The following TBC1D32 variants were observed in gnomAD, a reference collection of about 807,000 sequenced individuals.
TBC1D32 encodes TBC1 domain family member 32, also known as protein broad-minded.
TBC1D32 carries 151 observed loss-of-function variants against 170.3 expected under a neutral mutation model. The ratio of observed to expected loss-of-function variants is 0.89; its 90% CI spans 0.78 to 1.01. TBC1D32 has a LOEUF of 1.01. TBC1D32 is among the 50% of genes least tolerant of loss of function. The pLI is 0.00. For synonymous variants in TBC1D32, 498 were observed against 488.0 expected (o/e 1.02, Z -0.27); for missense variants, 1,464 against 1,457.1 (o/e 1.00, Z -0.08).
At chr6:121,227,124 T>C (rs984469490) in intron 20 of TBC1D32, among the ~76,000 whole-genome samples, 1 of 152,194 alleles carries the variant, frequency 6.6e-6, no homozygotes. Context: ...CTGCGCCACA[T>C]TCAAAGCTGT....
In TBC1D32 at chr6:121,140,352, T is replaced by C. The variant is rs563491628; in HGVS notation, c.2774-8600A>G. On this transcript the variant is annotated intron_variant, in intron 24 of 31. Transcript: ENST00000398212. ...GGGGCAAAAAAAAAAAAAGATACTA[T>C]AGAGGGATATTTATATTTTACATAT... Among the ~76,000 whole-genome samples the C allele has an allele frequency of 1.4e-3, 206 of 151,426 alleles. 1 individual carries two copies. Among genetic ancestry groups the C allele is most frequent in the Non-Finnish European group, 2.3e-3 (157 of 67,758 alleles).
chr6:121,234,769 T>C (rs1002068707), intron 20 of TBC1D32, among the ~76,000 whole-genome samples: 4 of 152,122 alleles, frequency 2.6e-5, no homozygotes, highest in African/African-American at 7.2e-5. Context: ...GGTATGATCA[T>C]TTGGGAGTGT....
At chr6:121,213,809 G>A (rs559958214) in intron 21 of TBC1D32, among the ~76,000 whole-genome samples, 1 of 152,132 alleles carries the variant, frequency 6.6e-6, no homozygotes, top group South Asian at 2.1e-4. Context: ...AAATTCATAT[G>A]AAACCAAAAA....
chr6:121,332,571 A>T (rs998427715), intron 1 of TBC1D32, among the ~76,000 whole-genome samples: 1 of 152,174 alleles, frequency 6.6e-6, no homozygotes, highest in East Asian at 1.9e-4. Context: ...AGAATATGAT[A>T]CTAGCAAAAA....
intron 31 of TBC1D32, among the ~76,000 whole-genome samples, chr6:121,090,330 A>G (rs945214820): frequency 6.6e-6 from 1 of 152,180 alleles, no homozygotes; most frequent in African/African-American, 2.4e-5. Flanking sequence ...AAAGTCCCCA[A>G]CTTCCAAAAT....
At chr6:121,329,690 C>A (rs1810959211) in intron 1 of TBC1D32, among the ~76,000 whole-genome samples, 1 of 151,540 alleles carries the variant, frequency 6.6e-6, no homozygotes, top group Non-Finnish European at 1.5e-5. Flanking sequence ...AATAAAAAGG[C>A]AAGAAATATT....
At chr6:121,111,014 A>G (rs1356430340) in intron 29 of TBC1D32, among the ~76,000 whole-genome samples, 1 of 152,170 alleles carries the variant, frequency 6.6e-6, no homozygotes, top group Non-Finnish European at 1.5e-5. Flanking sequence ...GCATCAGTAG[A>G]AAGGTGTCAA....
chr6:121,109,188 T>C (rs1230331417), intron 29 of TBC1D32, among the ~76,000 whole-genome samples: 1 of 152,186 alleles, frequency 6.6e-6, no homozygotes, highest in Non-Finnish European at 1.5e-5. Flanking sequence ...AAAATTTAAA[T>C]GTAAATTTAT....
intron 22 of TBC1D32, among the ~76,000 whole-genome samples, chr6:121,181,658 A>AAAGAAGTATCTGC (rs1311423268): frequency 6.6e-6 from 1 of 152,076 alleles, no homozygotes; most frequent in Non-Finnish European, 1.5e-5. Context: ...TCAGTATATC[A>AAAGAAGTATCTGC]AAGAAGTATC....
chr6:121,105,690 A>G (rs1339873741), intron 30 of TBC1D32, among the ~76,000 whole-genome samples: 1 of 152,034 alleles, frequency 6.6e-6, no homozygotes, highest in African/African-American at 2.4e-5. Context: ...ACAGTATATC[A>G]TATACAAAAC....
At chr6:121,170,907 C>T (rs959401163) in intron 22 of TBC1D32, among the ~76,000 whole-genome samples, 1 of 151,986 alleles carries the variant, frequency 6.6e-6, no homozygotes, top group Non-Finnish European at 1.5e-5. Flanking sequence ...ATGACAGAAT[C>T]ATCATTTTGC....
chr6:121,156,491 TA>T (rs1364915923), intron 24 of TBC1D32, among the ~76,000 whole-genome samples: 4 of 152,008 alleles, frequency 2.6e-5, no homozygotes, highest in Non-Finnish European at 5.9e-5. Flanking sequence ...TTATCTTTTT[TA>T]TGGATGTTTG....
chr6:121,268,833 A>G (rs1219440990), intron 15 of TBC1D32, among the ~76,000 whole-genome samples: 1 of 152,172 alleles, frequency 6.6e-6, no homozygotes, highest in Non-Finnish European at 1.5e-5. Flanking sequence ...GTTCAAATGA[A>G]GGAAAAAAAT....
chr6:121,080,725 G>C lies in TBC1D32; in HGVS notation c.*46C>G. On this transcript the variant is annotated 3_prime_UTR_variant, in exon 32 of 32. Coordinates refer to ENST00000398212, the MANE Select transcript of TBC1D32 (RefSeq NM_152730.6). ...GAAAAACATCAAGCCCCCCTGCTGTGTTTAAAAATAAATAAAACCTAAATT... is the reference window on the plus strand; with the variant it reads ...GAAAAACATCAAGCCCCCCTGCTGTCTTTAAAAATAAATAAAACCTAAATT... 6.3e-7 allele frequency: 1 copy of C among 1,582,552 alleles called. No homozygotes were observed. Among genetic ancestry groups the C allele is most frequent in the Non-Finnish European group, 8.6e-7 (1 of 1,166,524 alleles).
rs368806322 is a variant in TBC1D32 at position 121,217,229 on chromosome 6, T to C, written c.2481+6007A>G. Among the ~76,000 whole-genome samples, 380 of 152,350 alleles carry C rather than the reference T, an allele frequency of 2.5e-3. 2 individuals are homozygous for C. The highest frequency in any genetic ancestry group is 8.9e-3 in the African/African-American group (370 of 41,578). ...ATCTCCTGGTATGCAGCCACTGACT[T>C]GGCAAATGCCTTTATCTCCGTTCCT... On this transcript the variant is annotated intron_variant, in intron 21 of 31. Coordinates refer to ENST00000398212, the MANE Select transcript of TBC1D32 (RefSeq NM_152730.6).
intron 21 of TBC1D32, among the ~76,000 whole-genome samples, chr6:121,214,767 T>C (rs1476514801): frequency 6.6e-6 from 1 of 152,190 alleles, no homozygotes; most frequent in Non-Finnish European, 1.5e-5. Flanking sequence ...GCAGGAGGCA[T>C]GTTTCGGTCC....
At chr6:121,242,846 A>G (rs1797163971) in intron 17 of TBC1D32, among the ~76,000 whole-genome samples, 1 of 152,136 alleles carries the variant, frequency 6.6e-6, no homozygotes, top group Non-Finnish European at 1.5e-5. Flanking sequence ...AAGAAAGATC[A>G]ACATATATTT....
intron 15 of TBC1D32, among the ~76,000 whole-genome samples, chr6:121,260,556 A>G (rs2128403965): frequency 6.6e-6 from 1 of 152,300 alleles, no homozygotes; most frequent in African/African-American, 2.4e-5. Context: ...TACACAGGGC[A>G]AGGAGCTGCC....
chr6:121,227,199 T>A (rs1404376359), intron 20 of TBC1D32, among the ~76,000 whole-genome samples: 1 of 152,168 alleles, frequency 6.6e-6, no homozygotes, highest in Admixed American at 6.6e-5. Flanking sequence ...TCTGCTATGA[T>A]GTAAACCACT....
Sources: allele counts gnomAD v4.1 joint callset (sites outside exome capture counted in the v4.1 genomes callset), GRCh38; gene constraint gnomAD v4.1.1; transcripts MANE v1.5; gene names NCBI Gene and HGNC (gene_info 2026-07-23, HGNC 2026-07-21).